The following PLCD1 variants were observed in gnomAD, a reference collection of about 807,000 sequenced individuals.
PLCD1 encodes the protein phospholipase C delta 1.
In PLCD1, 71 loss-of-function variants were observed where a neutral mutation model predicts 87.4. The observed-to-expected ratio is 0.81, with a 90% CI of 0.67 to 0.99. The LOEUF is 0.99. Among genes scored for constraint, PLCD1 ranks in the 50% least tolerant of loss-of-function variants. PLCD1 has a pLI of 0.00. For missense variants in PLCD1, 867 were observed against 1,001.5 expected (o/e 0.87, Z 1.81); for synonymous variants, 348 against 399.2 (o/e 0.87, Z 1.53).
chr3:38,016,235 G>A (rs1215426953), intron 3 of PLCD1, among the ~76,000 whole-genome samples: 1 of 152,200 alleles, frequency 6.6e-6, no homozygotes, highest in African/African-American at 2.4e-5. Context: ...CCCACCATGT[G>A]AGGACACAGC....
At position 38,025,462 on chromosome 3, in the gene PLCD1, C is replaced by G. The variant is rs1476540186; in HGVS notation, c.34+4044G>C. ...GCCTGGGCCAGACACCGAGCCCCCC[C>G]CAAGTATTTTACTTCAATTGCTCAA... On this transcript the variant is annotated intron_variant, in intron 1 of 14. Transcript: ENST00000334661. The surrounding 1 kb of genome is among the most constrained non-coding windows in gnomAD (Gnocchi z 4.0). 1.3e-5 allele frequency among the ~76,000 whole-genome samples: 2 copies of G among 152,138 alleles called. No homozygotes were observed. The highest frequency in any genetic ancestry group is 1.5e-5 in the Non-Finnish European group (1 of 68,020).
At chr3:38,019,817 T>C (rs1226169532) in intron 2 of PLCD1, among the ~76,000 whole-genome samples, 1 of 152,182 alleles carries the variant, frequency 6.6e-6, no homozygotes, top group Non-Finnish European at 1.5e-5. Context: ...CTTATCTGCC[T>C]GGACCTTGGG....
At chr3:38,007,918 G>A (rs1000019380) in intron 14 of PLCD1, 60 bp from the exon 15 acceptor site, 31 of 1,604,574 alleles carry the variant, frequency 1.9e-5, no homozygotes, top group South Asian at 1.1e-4. Context: ...GGCGGCGGAG[G>A]GGGGGTGGAT....
chr3:38,011,225 G>A lies in PLCD1; in HGVS notation c.779C>T (p.Pro260Leu), dbSNP rs1436419088. Residue 260 changes from proline to leucine, a missense_variant, in exon 5 of 15, where the codon CCC becomes CTC. Pro to Leu is a moderately conservative substitution (Grantham distance 98, BLOSUM62 -3). Transcript: ENST00000334661. Reference protein sequence around the residue: ...LALSLIERYEPSETAKAQRQM... With the variant: ...LALSLIERYELSETAKAQRQM... ...GGTCAGGCTCTCACCAGTCTCGCTG[G>A]GCTCGTAGCGCTCAATGAGGGAGAG... 1 of 1,608,916 alleles carries A rather than the reference G, an allele frequency of 6.2e-7. No individual in the cohort carries two copies. The highest frequency in any genetic ancestry group is 1.1e-5 in the South Asian group (1 of 90,968).
At chr3:38,015,069 A>G in intron 3 of PLCD1, among the ~76,000 whole-genome samples, 1 of 152,240 alleles carries the variant, frequency 6.6e-6, no homozygotes, top group East Asian at 1.9e-4. Context: ...GGTTAAACAT[A>G]GTTACCATAT....
rs151280388 is a variant in PLCD1 at position 38,021,407 on chromosome 3, C to G, written c.35-1055G>C. Among the ~76,000 whole-genome samples, 429 of 152,256 alleles carry G rather than the reference C, an allele frequency of 2.8e-3. 4 individuals are homozygous for G. The highest frequency in any genetic ancestry group is 9.3e-3 in the African/African-American group (385 of 41,522). Reference sequence around the variant, plus strand: ...ACCTGGCTGCTTGCCCCAGTCCTGCCCCACTCTTTTGCTGCTCTCAGAGGT... The same window carrying G: ...ACCTGGCTGCTTGCCCCAGTCCTGCGCCACTCTTTTGCTGCTCTCAGAGGT... On this transcript the variant is annotated intron_variant, in intron 1 of 14. Coordinates refer to ENST00000334661, the MANE Select transcript of PLCD1 (RefSeq NM_006225.4).
chr3:38,007,792 T>C lies in PLCD1; in HGVS notation c.2252A>G (p.Lys751Arg), dbSNP rs755564846. 1 of 1,614,120 alleles carries C rather than the reference T, an allele frequency of 6.2e-7. No homozygotes were observed. The highest frequency in any genetic ancestry group is 8.5e-7 in the Non-Finnish European group (1 of 1,179,976). ...TCCAGCCTAGTCCTGGAGGGAGATC[T>C]TCACAAAGAGGGTGGCTGATGGATG... ...DQHPSATLFV[K>R]ISLQD is the part of the protein sequence containing the mutation. The change falls in exon 15 of 15, where the codon AAG (lysine) becomes AGG (arginine). Residue 751 changes from lysine to arginine, a missense_variant. Coordinates refer to ENST00000334661, the MANE Select transcript of PLCD1 (RefSeq NM_006225.4).
chr3:38,010,613 C>T (rs1700058028), intron 5 of PLCD1, 51 bp from the exon 6 acceptor site: 1 of 1,489,088 alleles, frequency 6.7e-7, no homozygotes, highest in Non-Finnish European at 9.2e-7. Flanking sequence ...AGCAGGCGCT[C>T]CTGGCTGCCC....
At chr3:38,011,994 T>C (rs1214061096) in intron 3 of PLCD1, among the ~76,000 whole-genome samples, 1 of 151,868 alleles carries the variant, frequency 6.6e-6, no homozygotes, top group Non-Finnish European at 1.5e-5. Flanking sequence ...ATAAATACTA[T>C]CAACATTCCA....
rs1405957484 is a variant in PLCD1 at position 38,010,155 on chromosome 3, CCT to C, written c.1111_1112del (p.Arg371GlyfsTer58). ...CCTTGAAGGCATAGTCCCGGATGGC[CCT>C]GAGCACATCGCAGAAGAGGATCTTG... ...TSKILFCDVL[R>X]AIRDYAFKAS... is the part of the protein sequence containing the mutation. On this transcript the variant is annotated frameshift_variant, in exon 7 of 15. Transcript: ENST00000334661. LOFTEE classifies it high-confidence loss of function. The C allele has an allele frequency of 1.2e-6, 2 of 1,614,138 alleles. No individual in the cohort carries two copies. The highest frequency in any genetic ancestry group is 2.7e-5 in the African/African-American group (2 of 74,950).
chr3:38,013,578 T>C (rs1193487494), intron 3 of PLCD1, among the ~76,000 whole-genome samples: 1 of 152,230 alleles, frequency 6.6e-6, no homozygotes, highest in Non-Finnish European at 1.5e-5. Flanking sequence ...TGTAGTCCAT[T>C]TTCTGTGTAA....
In PLCD1 at chr3:38,017,749, C is replaced by T. The variant is rs1575353609; in HGVS notation, c.200-1030G>A. On this transcript the variant is annotated intron_variant, in intron 2 of 14. Coordinates refer to ENST00000334661, the MANE Select transcript of PLCD1 (RefSeq NM_006225.4). This position sits in a 1 kb window ranked among gnomAD's most constrained non-coding sequence, Gnocchi z 4.7. Reference sequence around the variant, plus strand: ...AAGTCCACCTGTCCCTCCCTGTGCCCACCCACTCTGAGTGCCCAGGGGCCT... The same window carrying T: ...AAGTCCACCTGTCCCTCCCTGTGCCTACCCACTCTGAGTGCCCAGGGGCCT... Among the ~76,000 whole-genome samples, 1 of 152,330 alleles carries T rather than the reference C, an allele frequency of 6.6e-6. No individual in the cohort carries two copies. Among genetic ancestry groups the T allele is most frequent in the Middle Eastern group, 3.4e-3 (1 of 292 alleles).
intron 1 of PLCD1, chr3:38,024,108 G>A (rs1309532227): frequency 5.6e-6 from 3 of 531,412 alleles, no homozygotes; most frequent in Non-Finnish European, 1.0e-5. Context: ...GCGTTGGAAG[G>A]GCTGAGTTAA....
At chr3:38,013,150 A>T (rs973289978) in intron 3 of PLCD1, among the ~76,000 whole-genome samples, 2 of 151,764 alleles carry the variant, frequency 1.3e-5, no homozygotes, top group Non-Finnish European at 2.9e-5. Context: ...TCAGCCTCCC[A>T]AAGTGCTAGG....
Position 38,009,817 on chromosome 3 carries a change from T to G in PLCD1, c.1288-6A>C, listed in dbSNP as rs1700039523. On this transcript the variant is annotated splice_region_variant and splice_polypyrimidine_tract_variant and intron_variant, in intron 8 of 14. Transcript: ENST00000334661. ...AGGATCTTCCCCTTCAGTTGCTAGG[T>G]GGGGAGGGGCAACTGGTCAAGACAC... 1.2e-6 allele frequency: 2 copies of G among 1,613,506 alleles called. No homozygotes were observed. The highest frequency in any genetic ancestry group is 1.7e-6 in the Non-Finnish European group (2 of 1,179,952).
chr3:38,019,275 A>G (rs925692686), intron 2 of PLCD1, among the ~76,000 whole-genome samples: 1 of 152,242 alleles, frequency 6.6e-6, no homozygotes, highest in South Asian at 2.1e-4. Flanking sequence ...TTCAGCAGCC[A>G]CTAGCCACCT....
chr3:38,024,769 G>A (rs561914142), intron 1 of PLCD1: 25 of 1,304,796 alleles, frequency 1.9e-5, no homozygotes, highest in Non-Finnish European at 2.5e-5. Flanking sequence ...TCAGAATACA[G>A]GAGGCGGGAC....
At chr3:38,019,197 G>A (rs1400651501) in intron 2 of PLCD1, among the ~76,000 whole-genome samples, 6 of 152,178 alleles carry the variant, frequency 3.9e-5, no homozygotes, top group Non-Finnish European at 1.5e-5. Context: ...GCAGGAGAAT[G>A]GGCGAGGGAT....
At chr3:38,016,763 G>C (rs1335242316) in intron 2 of PLCD1, 44 bp from the exon 3 acceptor site, 1 of 1,391,826 alleles carries the variant, frequency 7.2e-7, no homozygotes, top group East Asian at 2.5e-5. Context: ...AGAATGCTGT[G>C]AGGTCAGTCC....
Sources: allele counts gnomAD v4.1 joint callset (sites outside exome capture counted in the v4.1 genomes callset), GRCh38; gene constraint gnomAD v4.1.1; non-coding constraint Gnocchi (gnomAD v3.1); transcripts MANE v1.5; gene names NCBI Gene and HGNC (gene_info 2026-07-23, HGNC 2026-07-21).